LAMA4: variants seen among roughly 807,000 people sequenced by gnomAD.
LAMA4 encodes laminin subunit alpha 4.
In LAMA4, 127 loss-of-function variants were observed where a neutral mutation model predicts 207.1. The ratio of observed to expected loss-of-function variants is 0.61; its 90% CI spans 0.53 to 0.71. The LOEUF (loss-of-function observed/expected upper bound fraction) is 0.71. Among genes scored for constraint, LAMA4 ranks in the 30% least tolerant of loss-of-function variants. LAMA4 has a pLI of 0.00. For missense variants in LAMA4, 2,093 were observed against 2,246.5 expected (o/e 0.93, Z 1.38); for synonymous variants, 761 against 816.0 (o/e 0.93, Z 1.15).
At chr6:112,134,380 G>A in intron 26 of LAMA4, 87 bp downstream of exon 26, 2 of 1,315,964 alleles carry the variant, frequency 1.5e-6, no homozygotes, top group Admixed American at 3.4e-5. Context: ...GCAAGTAAGG[G>A]TGCGTACACT....
At chr6:112,192,261 T>A (rs1257262912) in intron 5 of LAMA4, among the ~76,000 whole-genome samples, 1 of 152,230 alleles carries the variant, frequency 6.6e-6, no homozygotes, top group Non-Finnish European at 1.5e-5. Flanking sequence ...GAAACATTGA[T>A]CAGTCTAGTC....
rs1554328634 is a variant in LAMA4 at position 112,129,027 on chromosome 6, C to T, written c.4182G>A (p.Lys1394=). The change falls in exon 31 of 39, where the codon AAG becomes AAA. Residue 1394 remains lysine (K), a synonymous_variant. Transcript: ENST00000230538. ...GACACTCATAAAGAGAAGTGTGGAC[C>T]TTTTCAGTATACCGTTGGAAATCTT... is the stretch of plus-strand genomic sequence containing the variant. ...EVEDFQRYTE[K]VHTSLYECPI... The T allele has an allele frequency of 1.9e-6, 3 of 1,613,050 alleles. No homozygotes were observed. Among genetic ancestry groups the T allele is most frequent in the Admixed American group, 1.7e-5 (1 of 59,960 alleles).
At chr6:112,156,705 G>A (rs1309538331) in intron 14 of LAMA4, among the ~76,000 whole-genome samples, 8 of 151,906 alleles carry the variant, frequency 5.3e-5, no homozygotes, top group Non-Finnish European at 1.2e-4. Flanking sequence ...CCCAGTATAT[G>A]ACATTGCAGA....
intron 12 of LAMA4, among the ~76,000 whole-genome samples, chr6:112,169,370 A>G (rs1325589103): frequency 1.3e-5 from 2 of 152,216 alleles, no homozygotes; most frequent in Non-Finnish European, 2.9e-5. Context: ...GGAGGAAAAA[A>G]GGTGTTGGTT....
At chr6:112,251,492 C>T (rs893420056) in intron 2 of LAMA4, 2 of 152,208 alleles carry the variant, frequency 1.3e-5, no homozygotes, top group African/African-American at 4.8e-5. Flanking sequence ...TCATATAAAT[C>T]CAAGTAAAGA....
At position 112,109,318 on chromosome 6, in the gene LAMA4, C is replaced by A; in HGVS notation, c.*119G>T. The stretch of plus-strand genomic sequence containing the variant: ...CCGGTCCCTGATGATTCGTTTAAGT[C>A]CTGTTCAACTCGATGAAAGCTTCCA... On this transcript the variant is annotated 3_prime_UTR_variant, in exon 39 of 39. Transcript: ENST00000230538. 1 of 1,069,894 alleles carries A rather than the reference C, an allele frequency of 9.3e-7. No homozygotes were observed. 66.3% of individuals were successfully genotyped at this position (1,069,894 alleles called of 1,614,324 possible).
At chr6:112,230,699 G>C (rs2114258486) in intron 2 of LAMA4, among the ~76,000 whole-genome samples, 1 of 152,258 alleles carries the variant, frequency 6.6e-6, no homozygotes, top group Non-Finnish European at 1.5e-5. Flanking sequence ...GTTTAAGTTA[G>C]TAGTTCCTTG....
intron 38 of LAMA4, among the ~76,000 whole-genome samples, chr6:112,110,386 A>T (rs1554321207): frequency 6.6e-6 from 1 of 152,232 alleles, no homozygotes; most frequent in Non-Finnish European, 1.5e-5. Flanking sequence ...TAGCAGATAA[A>T]GGATGGAAAA....
intron 2 of LAMA4, among the ~76,000 whole-genome samples, chr6:112,237,970 C>T (rs1359381232): frequency 6.6e-6 from 1 of 152,214 alleles, no homozygotes; most frequent in Non-Finnish European, 1.5e-5. Flanking sequence ...CTTTCTTCTG[C>T]TATGAAGTCT....
chr6:112,120,901 G>A (rs894427684), intron 32 of LAMA4, among the ~76,000 whole-genome samples: 6 of 151,698 alleles, frequency 4.0e-5, no homozygotes, highest in South Asian at 2.1e-4. Flanking sequence ...GTGGAACCCC[G>A]TCTCTACAAA....
chr6:112,230,055 G>A lies in LAMA4; in HGVS notation c.196-13586C>T, dbSNP rs28641164. Among the ~76,000 whole-genome samples, 537 of 151,906 alleles carry A rather than the reference G, an allele frequency of 3.5e-3. 2 individuals are homozygous for A. The highest frequency in any genetic ancestry group is 0.013 in the African/African-American group (518 of 41,408). ...ACTACTTCTATTTCCCCAGGAACAT[G>A]CACATTTAGGTATTACTTCTTTAGC... On this transcript the variant is annotated intron_variant, in intron 2 of 38. Transcript: ENST00000230538.
At chr6:112,135,566 T>C (rs1779290871) in intron 25 of LAMA4, among the ~76,000 whole-genome samples, 1 of 152,212 alleles carries the variant, frequency 6.6e-6, no homozygotes, top group Admixed American at 6.5e-5. Context: ...AAGTTGTATA[T>C]TTAAAATAGT....
In LAMA4 at chr6:112,254,522, C is replaced by T. The variant is rs1382347097; in HGVS notation, c.-205G>A. 2 of 358,348 alleles carry T rather than the reference C, an allele frequency of 5.6e-6. No individual in the cohort carries two copies. The highest frequency in any genetic ancestry group is 4.2e-5 in the African/African-American group (2 of 47,302). The allele number at this position is 358,348 out of a possible 1,614,324, so 22.2% of individuals were successfully genotyped here. A position where few individuals can be genotyped will look rare whatever the true frequency, so the allele number is the denominator to read the frequency against. On this transcript the variant is annotated 5_prime_UTR_variant, in exon 1 of 39. Coordinates refer to ENST00000230538, the MANE Select transcript of LAMA4 (RefSeq NM_001105206.3). ...CGCCAGCGCTAGGCCACCTCCTCTCCCTGGCCGTTCGGGACTGGGGACTGC... is the reference window on the plus strand; with the variant it reads ...CGCCAGCGCTAGGCCACCTCCTCTCTCTGGCCGTTCGGGACTGGGGACTGC...
intron 2 of LAMA4, chr6:112,216,689 CT>C (rs1784645873): frequency 3.7e-6 from 2 of 541,230 alleles, no homozygotes; most frequent in Non-Finnish European, 6.7e-6. Flanking sequence ...AACTTTTTCC[CT>C]CCTTTCACTT....
At chr6:112,227,443 G>A (rs1424205613) in intron 2 of LAMA4, among the ~76,000 whole-genome samples, 3 of 152,066 alleles carry the variant, frequency 2.0e-5, no homozygotes, top group African/African-American at 4.8e-5. Context: ...AGGAAAAGGA[G>A]CAAATGAGGA....
rs1778941933 is a variant in LAMA4 at position 112,130,124 on chromosome 6, CATG to C, written c.3969-87_3969-85del. The C allele has an allele frequency of 8.6e-6, 10 of 1,162,224 alleles. No individual in the cohort carries two copies. The East Asian group carries it at 2.3e-4, about 27-fold the overall frequency. 72.0% of individuals were successfully genotyped at this position (1,162,224 alleles called of 1,614,324 possible). ...TCTAGGTTGGATAAGCAGGTTTTCT[CATG>C]AAATTGAAATGGAACATGTGGTTAA... On this transcript the variant is annotated intron_variant, in intron 29 of 38. Transcript: ENST00000230538.
intron 33 of LAMA4, 64 bp downstream of exon 33, chr6:112,120,219 C>CA (rs1554325639): frequency 8.6e-6 from 11 of 1,277,886 alleles, no homozygotes; most frequent in Non-Finnish European, 1.1e-5. Context: ...AATGGAGGCC[C>CA]ATTAGTGTCC....
At chr6:112,236,028 T>G (rs188112863) in intron 2 of LAMA4, 7 of 152,288 alleles carry the variant, frequency 4.6e-5, no homozygotes, top group Non-Finnish European at 7.4e-5. Context: ...ATGGATATAT[T>G]CTTGTCTGAT....
chr6:112,182,797 T>C (rs1198073231), intron 9 of LAMA4, among the ~76,000 whole-genome samples: 2 of 152,226 alleles, frequency 1.3e-5, no homozygotes, highest in African/African-American at 4.8e-5. Context: ...AGTGACACTC[T>C]GACCTTGAGC....
Sources: allele counts gnomAD v4.1 joint callset (sites outside exome capture counted in the v4.1 genomes callset), GRCh38; gene constraint gnomAD v4.1.1; transcripts MANE v1.5; gene names NCBI Gene and HGNC (gene_info 2026-07-23, HGNC 2026-07-21).